Variants in NCKAP5 observed in about 807,000 individuals in gnomAD.
The protein encoded by NCKAP5 is NCK associated protein 5, also known as nck-associated protein 5.
Under a neutral mutation model 167.0 loss-of-function variants are expected in NCKAP5, and 92 were observed. That is an observed-to-expected ratio of 0.55 (90% CI 0.47 to 0.66). NCKAP5 has a LOEUF of 0.66. NCKAP5 is among the 30% of genes least tolerant of loss of function. The probability of loss-of-function intolerance (pLI) is 0.00; values close to 1 mark genes in which losing one functional copy is unlikely to be tolerated. For missense variants in NCKAP5, 2,378 were observed against 2,315.0 expected (o/e 1.03, Z -0.56); for synonymous variants, 891 against 877.4 (o/e 1.02, Z -0.27).
intron 15 of NCKAP5, among the ~76,000 whole-genome samples, chr2:132,774,670 A>G (rs1352022107): frequency 6.6e-6 from 1 of 152,172 alleles, no homozygotes; most frequent in African/African-American, 2.4e-5. Context: ...CTGGCATGAA[A>G]GCCCAGGCCC....
chr2:132,766,150 C>T (rs952279504), intron 16 of NCKAP5, among the ~76,000 whole-genome samples: 15 of 151,552 alleles, frequency 9.9e-5, no homozygotes, highest in East Asian at 5.9e-4. Flanking sequence ...CATGGTGGTG[C>T]GTGTCTGCAA....
chr2:133,045,507 T>C (rs907310654), intron 6 of NCKAP5, among the ~76,000 whole-genome samples: 8 of 152,140 alleles, frequency 5.3e-5, no homozygotes, highest in Admixed American at 2.0e-4. Context: ...TAATATTCCA[T>C]TTCTTAATCT....
intron 3 of NCKAP5, among the ~76,000 whole-genome samples, chr2:133,344,599 G>A (rs1297347762): frequency 1.3e-5 from 2 of 152,002 alleles, no homozygotes; most frequent in African/African-American, 4.8e-5. Context: ...AGTGCAAATC[G>A]CTGGACGCAG....
intron 9 of NCKAP5, among the ~76,000 whole-genome samples, chr2:132,878,194 A>G (rs980050968): frequency 6.6e-6 from 1 of 151,658 alleles, no homozygotes. Flanking sequence ...TTTTCTCCTC[A>G]CCTCCCAGAA....
At chr2:132,974,377 C>A (rs193301670) in intron 7 of NCKAP5, among the ~76,000 whole-genome samples, 13 of 152,170 alleles carry the variant, frequency 8.5e-5, no homozygotes, top group Non-Finnish European at 1.5e-4. Flanking sequence ...TTCCAGAACA[C>A]AAAAGACATA....
At chr2:132,961,621 A>C (rs2076513339) in intron 8 of NCKAP5, among the ~76,000 whole-genome samples, 1 of 152,238 alleles carries the variant, frequency 6.6e-6, no homozygotes, top group African/African-American at 2.4e-5. Flanking sequence ...TGTTGCCTGA[A>C]GTGTAAAGAA....
chr2:132,724,922 C>G (rs1193543009), intron 19 of NCKAP5, among the ~76,000 whole-genome samples: 1 of 151,740 alleles, frequency 6.6e-6, no homozygotes, highest in Non-Finnish European at 1.5e-5. Context: ...ATTATGGTTT[C>G]ATTACATAGT....
intron 3 of NCKAP5, among the ~76,000 whole-genome samples, chr2:133,507,152 C>T (rs1171204365): frequency 1.3e-5 from 2 of 152,178 alleles, no homozygotes; most frequent in Non-Finnish European, 2.9e-5. Context: ...ATTTCACTCT[C>T]AGCGTTCACC....
At chr2:133,415,620 T>C in intron 3 of NCKAP5, among the ~76,000 whole-genome samples, 1 of 152,290 alleles carries the variant, frequency 6.6e-6, no homozygotes, top group Non-Finnish European at 1.5e-5. Context: ...TCACCAGGGG[T>C]TCCACTGACC....
intron 1 of NCKAP5, among the ~76,000 whole-genome samples, chr2:133,562,838 C>T (rs747024853): frequency 6.6e-6 from 1 of 152,304 alleles, no homozygotes; most frequent in South Asian, 2.1e-4. Flanking sequence ...TGACACGATA[C>T]ACTTCATTAG....
chr2:132,740,305 G>A (rs1679067495), intron 16 of NCKAP5, among the ~76,000 whole-genome samples: 1 of 152,166 alleles, frequency 6.6e-6, no homozygotes, highest in Admixed American at 6.5e-5. Context: ...AAGTGGTCAT[G>A]TAAATAAGTC....
intron 16 of NCKAP5, among the ~76,000 whole-genome samples, chr2:132,761,199 AC>A (rs1288541032): frequency 1.3e-5 from 2 of 152,174 alleles, no homozygotes; most frequent in Non-Finnish European, 2.9e-5. Flanking sequence ...CTTTGATCTA[AC>A]ATTTCACCCT....
chr2:133,492,581 A>T (rs549384737), intron 3 of NCKAP5, among the ~76,000 whole-genome samples: 1 of 152,326 alleles, frequency 6.6e-6, no homozygotes, highest in South Asian at 2.1e-4. Context: ...AACTAGTTAT[A>T]TGACCAAGAA....
At chr2:133,342,552 G>T (rs1262528308) in intron 3 of NCKAP5, among the ~76,000 whole-genome samples, 1 of 152,086 alleles carries the variant, frequency 6.6e-6, no homozygotes. Flanking sequence ...TCCTTAGCAG[G>T]TCTTATACTA....
intron 3 of NCKAP5, among the ~76,000 whole-genome samples, chr2:133,477,998 A>G (rs1680084965): frequency 6.6e-6 from 1 of 152,140 alleles, no homozygotes; most frequent in East Asian, 1.9e-4. Flanking sequence ...ATAAGAGGGG[A>G]CTGCTGTGCT....
At chr2:132,686,228 C>T (rs150577594) in intron 19 of NCKAP5, among the ~76,000 whole-genome samples, 23 of 152,320 alleles carry the variant, frequency 1.5e-4, no homozygotes, top group African/African-American at 5.3e-4. Context: ...TGCCAGCCAG[C>T]TGAGGATGGC....
chr2:133,294,778 T>G (rs1236317344), intron 4 of NCKAP5, among the ~76,000 whole-genome samples: 1 of 152,216 alleles, frequency 6.6e-6, no homozygotes, highest in Non-Finnish European at 1.5e-5. Flanking sequence ...ATTTCTGTTC[T>G]TAGAATAAGA....
intron 8 of NCKAP5, among the ~76,000 whole-genome samples, chr2:132,879,801 A>G (rs1261086405): frequency 1.3e-5 from 2 of 152,154 alleles, no homozygotes; most frequent in Non-Finnish European, 2.9e-5. Flanking sequence ...CTAAATCAGT[A>G]TTTTCAAAAT....
intron 1 of NCKAP5, among the ~76,000 whole-genome samples, chr2:133,560,170 C>T (rs1159097746): frequency 6.6e-6 from 1 of 152,126 alleles, no homozygotes; most frequent in Non-Finnish European, 1.5e-5. Context: ...ATTTGAATGC[C>T]ATCAGATGAG....
Sources: allele counts gnomAD v4.1 joint callset (sites outside exome capture counted in the v4.1 genomes callset), GRCh38; gene constraint gnomAD v4.1.1; transcripts MANE v1.5; gene names NCBI Gene and HGNC (gene_info 2026-07-23, HGNC 2026-07-21).